SEC16B: variants seen among roughly 807,000 people sequenced by gnomAD.
SEC16B encodes protein transport protein Sec16B.
In SEC16B, 115 loss-of-function variants were observed where a neutral mutation model predicts 141.8. The observed-to-expected ratio is 0.81, with a 90% CI of 0.70 to 0.95. The LOEUF (loss-of-function observed/expected upper bound fraction) is 0.95. SEC16B is among the 40% of genes least tolerant of loss of function. The pLI, the probability that SEC16B is intolerant of heterozygous loss-of-function variation, is 0.00. For missense variants in SEC16B, 1,291 were observed against 1,312.3 expected (o/e 0.98, Z 0.25); for synonymous variants, 493 against 492.5 (o/e 1.00, Z -0.01).
chr1:177,964,028 G>A (rs1653296808), intron 5 of SEC16B, 143 bp downstream of exon 5: 1 of 591,316 alleles, frequency 1.7e-6, no homozygotes. Flanking sequence ...CATGGGCGGA[G>A]GTTCTGCCAA....
Position 177,933,493 on chromosome 1 carries a change from C to A in SEC16B, c.2715G>T (p.Glu905Asp). The A allele has an allele frequency of 6.2e-7, 1 of 1,613,112 alleles. No individual in the cohort carries two copies. Among genetic ancestry groups the A allele is most frequent in the Non-Finnish European group, 8.5e-7 (1 of 1,179,522 alleles). Residue 905 changes from glutamate to aspartate, a missense_variant, in exon 21 of 26, where the codon GAG (glutamate) becomes GAT (aspartate). Physicochemically the swap from Glu to Asp is conservative, Grantham distance 45. Transcript: ENST00000308284. ...GAACAAGTCCCTCCACCTTTGTATG[C>A]TCCTTCCCATCTCCGAGCTTGCCTC... ...AQRGKLGDGK[E>D]HTKSSGFGWF...
intron 2 of SEC16B, among the ~76,000 whole-genome samples, 153 bp downstream of exon 2, chr1:177,967,530 G>T (rs191991508): frequency 2.0e-5 from 3 of 152,070 alleles, no homozygotes; most frequent in African/African-American, 7.3e-5. Flanking sequence ...ACAAATTTGG[G>T]AGAGGACAGG....
upstream of SEC16B, among the ~76,000 whole-genome samples, chr1:177,974,873 GA>G (rs1436043399): frequency 2.0e-5 from 3 of 152,184 alleles, no homozygotes; most frequent in African/African-American, 7.2e-5. Flanking sequence ...AAATCTCAGA[GA>G]AAATGCATCA....
intron 2 of SEC16B, 74 bp from the exon 3 acceptor site, chr1:177,966,079 A>G (rs1357051112): frequency 3.4e-6 from 3 of 879,590 alleles, no homozygotes; most frequent in Non-Finnish European, 5.3e-6. Flanking sequence ...AGAACTTGAC[A>G]AACTAAACAG....
intron 18 of SEC16B, among the ~76,000 whole-genome samples, chr1:177,937,870 C>A (rs895531202): frequency 6.6e-6 from 1 of 152,022 alleles, no homozygotes; most frequent in Non-Finnish European, 1.5e-5. Context: ...CCTCATTATA[C>A]CCCCTCTCTT....
At position 177,947,859 on chromosome 1, in the gene SEC16B, A is replaced by G. The variant is rs977388703; in HGVS notation, c.1629T>C (p.Tyr543=). Residue 543 remains tyrosine (Y), a synonymous_variant, in exon 13 of 26, where the codon TAT becomes TAC. Transcript: ENST00000308284. Reference sequence around the variant, plus strand: ...CCCCAATGGCAACAATCGCACGCTGATACAGCTCTGGGTCCCCAGCCTGAT... The same window carrying G: ...CCCCAATGGCAACAATCGCACGCTGGTACAGCTCTGGGTCCCCAGCCTGAT... ...LSNQAGDPEL[Y]QRAIVAIGDT... is the part of the protein sequence containing the mutation. The G allele has an allele frequency of 1.3e-6, 2 of 1,558,682 alleles. No homozygotes were observed. Among genetic ancestry groups the G allele is most frequent in the Non-Finnish European group, 1.7e-6 (2 of 1,151,580 alleles).
chr1:177,942,036 T>C lies in SEC16B; in HGVS notation c.1886A>G (p.Tyr629Cys), dbSNP rs2101921836. 6.2e-7 allele frequency: 1 copy of C among 1,613,190 alleles called. No homozygotes were observed. Among genetic ancestry groups the C allele is most frequent in the Non-Finnish European group, 8.5e-7 (1 of 1,179,520 alleles). The change falls in exon 16 of 26, where the codon TAT (tyrosine) becomes TGT (cysteine). Residue 629 changes from tyrosine (Y) to cysteine (C), a missense_variant. By Grantham distance (194) the Tyr-to-Cys change is radical. Coordinates refer to ENST00000308284, the MANE Select transcript of SEC16B (RefSeq NM_033127.4). The stretch of plus-strand genomic sequence containing the variant: ...CAGACGGGAAGCATAAAGGAGCTTA[T>C]ACACCTGTGAAGAGAAAAGAGTCAG... ...PKSFIPSFQV[Y>C]KLLYASRLAD...
intron 3 of SEC16B, 41 bp downstream of exon 3, chr1:177,965,852 C>T: frequency 1.5e-6 from 2 of 1,296,682 alleles, no homozygotes; most frequent in African/African-American, 2.9e-5. Flanking sequence ...CCAGCTGCCC[C>T]ATCCCCAAAT....
At chr1:177,980,635 C>T (rs1453228268) in intron 1 of SEC16B, among the ~76,000 whole-genome samples, 1 of 151,844 alleles carries the variant, frequency 6.6e-6, no homozygotes, top group African/African-American at 2.4e-5. Context: ...GAGTTTAGTG[C>T]CTAATGGGGA....
chr1:177,949,948 CAA>C (rs10700670), intron 12 of SEC16B, among the ~76,000 whole-genome samples: 1 of 148,660 alleles, frequency 6.7e-6, no homozygotes. Flanking sequence ...TCTACTATTA[CAA>C]AAAAAAAAAA....
intron 24 of SEC16B, 82 bp from the exon 25 acceptor site, chr1:177,930,725 G>A: frequency 1.1e-6 from 1 of 939,282 alleles, no homozygotes; most frequent in Non-Finnish European, 1.6e-6. Flanking sequence ...AAGCATATCA[G>A]GATTATTTGT....
At position 177,928,961 on chromosome 1, in the gene SEC16B, G is replaced by A. The variant is rs1273779350; in HGVS notation, c.*897C>T. On this transcript the variant is annotated 3_prime_UTR_variant, in exon 26 of 26. Transcript: ENST00000308284. The stretch of plus-strand genomic sequence containing the variant: ...CATTCCTATTTTGGGTTTGAAAAGA[G>A]AAATGGAAATTTCCAAGACGCCCCC... 1 of 152,300 alleles carries A rather than the reference G, an allele frequency of 6.6e-6. No homozygotes were observed. Among genetic ancestry groups the A allele is most frequent in the Non-Finnish European group, 1.5e-5 (1 of 68,032 alleles). 9.4% of individuals were successfully genotyped at this position (152,300 alleles called of 1,614,324 possible).
At chr1:177,948,201 T>A (rs1651882935) in intron 12 of SEC16B, among the ~76,000 whole-genome samples, 1 of 152,130 alleles carries the variant, frequency 6.6e-6, no homozygotes, top group Non-Finnish European at 1.5e-5. Context: ...ATAAATAAAA[T>A]GACATTGCTC....
chr1:177,946,558 A>G (rs1020448541), intron 13 of SEC16B, 27 bp from the exon 14 acceptor site: 9 of 1,516,518 alleles, frequency 5.9e-6, no homozygotes, highest in East Asian at 2.4e-5. Flanking sequence ...ACAAGACCCA[A>G]TCACGGAGCA....
chr1:177,961,506 C>A, intron 6 of SEC16B, 84 bp downstream of exon 6: 1 of 1,446,026 alleles, frequency 6.9e-7, no homozygotes, highest in South Asian at 1.3e-5. Context: ...AATGATCCAT[C>A]GTAAGGCTGA....
At chr1:177,945,507 GCA>G (rs1405814167) in intron 14 of SEC16B, 1 of 152,236 alleles carries the variant, frequency 6.6e-6, no homozygotes, top group Non-Finnish European at 1.5e-5. Context: ...GAAGGAACAG[GCA>G]ATGAGCTGGG....
At position 177,967,886 on chromosome 1, in the gene SEC16B, A is replaced by G. The variant is rs763163544; in HGVS notation, c.96T>C (p.His32=). Residue 32 remains histidine, a synonymous_variant, in exon 2 of 26, where the codon CAT becomes CAC. Coordinates refer to ENST00000308284, the MANE Select transcript of SEC16B (RefSeq NM_033127.4). ...GCCAAGAGTGAGGGACAGGCCGATGATGTCCATCTCTCCGAAACCCTCGGT... is the reference window on the plus strand; with the variant it reads ...GCCAAGAGTGAGGGACAGGCCGATGGTGTCCATCTCTCCGAAACCCTCGGT... ...DPDRGFRRDG[H]HRPVPHSWHN... 1 of 1,613,932 alleles carries G rather than the reference A, an allele frequency of 6.2e-7. No homozygotes were observed. Among genetic ancestry groups the G allele is most frequent in the Non-Finnish European group, 8.5e-7 (1 of 1,179,862 alleles).
Position 177,965,225 on chromosome 1 carries a change from TAGAA to T in SEC16B, c.413-62_413-59del. The T allele has an allele frequency of 1.9e-6, 3 of 1,594,114 alleles. No individual in the cohort carries two copies. In the South Asian group the frequency reaches 3.4e-5, roughly 18 times the overall value. ...GTCACTTCCTGTTTCTGAAAGTTCT[TAGAA>T]AGATATTAGTGAGCTGTGAGGAGCT... On this transcript the variant is annotated intron_variant, in intron 3 of 25. Coordinates refer to ENST00000308284, the MANE Select transcript of SEC16B (RefSeq NM_033127.4).
At chr1:177,955,505 C>T (rs139186826) in intron 10 of SEC16B, among the ~76,000 whole-genome samples, 248 of 152,204 alleles carry the variant, frequency 1.6e-3, no homozygotes, top group African/African-American at 5.6e-3. Context: ...TGCCATCATG[C>T]CTGGCTAATT....
Sources: gnomAD v4.1 joint callset for allele counts (sites outside exome capture counted in the v4.1 genomes callset) on GRCh38, gnomAD v4.1.1 for gene constraint, MANE v1.5 for transcripts, NCBI Gene and HGNC (gene_info 2026-07-23, HGNC 2026-07-21) for gene names.